Variants in DLG2 observed in about 807,000 individuals in gnomAD.
DLG2 encodes disks large homolog 2.
In DLG2, 45 loss-of-function variants were observed where a neutral mutation model predicts 132.5. The ratio of observed to expected loss-of-function variants is 0.34; its 90% CI spans 0.27 to 0.44. The LOEUF (loss-of-function observed/expected upper bound fraction) is 0.44. Ranked by LOEUF, DLG2 falls within the 20% of genes least tolerant of loss-of-function variation. DLG2 has a pLI of 1.00. For missense variants in DLG2, 1,045 were observed against 1,196.9 expected, an observed-to-expected ratio of 0.87 and a Z score of 1.87; for synonymous variants, 424 against 419.6, an observed-to-expected ratio of 1.01 and a Z score of -0.13.
chr11:85,035,947 T>C (rs1357391513), intron 6 of DLG2, among the ~76,000 whole-genome samples: 2 of 152,232 alleles, frequency 1.3e-5, no homozygotes, highest in Non-Finnish European at 2.9e-5. Flanking sequence ...TCACTCTACT[T>C]CAGCTTTTTC....
At chr11:83,596,356 C>T (rs2057578811) in intron 19 of DLG2, among the ~76,000 whole-genome samples, 1 of 152,204 alleles carries the variant, frequency 6.6e-6, no homozygotes, top group Non-Finnish European at 1.5e-5. Flanking sequence ...ACCTCAGGCT[C>T]ATCATTGACT....
chr11:85,560,514 T>C (rs1394016119), intron 3 of DLG2, among the ~76,000 whole-genome samples: 1 of 151,814 alleles, frequency 6.6e-6, no homozygotes, highest in Admixed American at 6.6e-5. Context: ...TCAACTTATA[T>C]GAAATGTCCA....
At chr11:84,913,121 T>A (rs1024614050) in intron 6 of DLG2, among the ~76,000 whole-genome samples, 24 of 152,190 alleles carry the variant, frequency 1.6e-4, no homozygotes, top group African/African-American at 5.8e-4. Flanking sequence ...CTCTGGAGAG[T>A]AAAAATGATT....
chr11:85,589,269 T>C (rs540124018), intron 3 of DLG2, among the ~76,000 whole-genome samples: 23 of 152,264 alleles, frequency 1.5e-4, no homozygotes, highest in Admixed American at 1.5e-3. Context: ...TATTCTGTCA[T>C]TGAGTTGCTG....
chr11:83,742,308 TATATGAA>T (rs200116043), intron 18 of DLG2, among the ~76,000 whole-genome samples: 2,716 of 152,128 alleles, frequency 0.018, 73 homozygotes, highest in African/African-American at 0.055. Context: ...CATAACTATG[TATATGAA>T]ATATCAAAAC....
chr11:85,291,917 C>A (rs569662444), intron 3 of DLG2, among the ~76,000 whole-genome samples: 13 of 152,100 alleles, frequency 8.5e-5, no homozygotes, highest in African/African-American at 3.1e-4. Flanking sequence ...AACAAAGAGA[C>A]GGTAAGATGT....
chr11:85,491,982 AC>A (rs770473758), intron 3 of DLG2, among the ~76,000 whole-genome samples: 4 of 149,382 alleles, frequency 2.7e-5, no homozygotes, highest in Non-Finnish European at 5.9e-5. Context: ...ACACAACCTG[AC>A]TTTGAAATAT....
intron 7 of DLG2, among the ~76,000 whole-genome samples, chr11:84,518,686 G>T (rs965034668): frequency 1.3e-5 from 2 of 152,078 alleles, no homozygotes; most frequent in African/African-American, 2.4e-5. Flanking sequence ...TTAAATTGCT[G>T]AGATTTTTCC....
In DLG2 at chr11:85,043,337, C is replaced by G. The variant is rs2154150790; in HGVS notation, c.357+68324G>C. 1.3e-5 allele frequency among the ~76,000 whole-genome samples: 2 copies of G among 151,860 alleles called. 1 individual carries two copies. The highest frequency in any genetic ancestry group is 4.1e-4 in the South Asian group (2 of 4,822). ...TTATACTGAGCTTATTTTTATTCTC[C>G]ATAGTACCTAACATAATGCTGCACA... On this transcript the variant is annotated intron_variant, in intron 6 of 27. Transcript: ENST00000376104.
At chr11:83,740,980 C>A (rs570857156) in intron 18 of DLG2, among the ~76,000 whole-genome samples, 1 of 152,024 alleles carries the variant, frequency 6.6e-6, no homozygotes, top group Non-Finnish European at 1.5e-5. Context: ...CATTTTCCTG[C>A]GAGGCAAGTT....
chr11:84,172,612 G>A (rs577587995), intron 8 of DLG2, among the ~76,000 whole-genome samples: 13 of 151,608 alleles, frequency 8.6e-5, no homozygotes, highest in African/African-American at 2.2e-4. Flanking sequence ...GTGCAATCTC[G>A]GCTCACTGCA....
intron 6 of DLG2, among the ~76,000 whole-genome samples, chr11:84,725,830 T>G (rs1370978643): frequency 6.6e-6 from 1 of 152,158 alleles, no homozygotes; most frequent in African/African-American, 2.4e-5. Context: ...AAAGGCTTTG[T>G]GTCACTTGTC....
chr11:85,352,967 A>G (rs955815238), intron 3 of DLG2, among the ~76,000 whole-genome samples: 1 of 152,218 alleles, frequency 6.6e-6, no homozygotes, highest in Non-Finnish European at 1.5e-5. Flanking sequence ...CAATAGCAAC[A>G]AAAGCCAAAA....
chr11:85,425,013 T>C lies in DLG2; in HGVS notation c.41-139648A>G, dbSNP rs557730754. On this transcript the variant is annotated intron_variant, in intron 3 of 27. Coordinates refer to ENST00000376104, the MANE Select transcript of DLG2 (RefSeq NM_001142699.3). The stretch of plus-strand genomic sequence containing the variant: ...CTTAATCCACTGAAGTTAGTACTTC[T>C]AGAGCAAAAAACAAACAAACAAACA... Among the ~76,000 whole-genome samples the C allele has an allele frequency of 2.2e-5, 3 of 137,164 alleles. No individual in the cohort carries two copies. In the South Asian group the frequency reaches 7.2e-4, roughly 33 times the overall value. 90.0% of individuals were successfully genotyped at this position (137,164 alleles called of 152,430 possible).
At chr11:84,500,567 C>T (rs1042860700) in intron 7 of DLG2, among the ~76,000 whole-genome samples, 4 of 152,132 alleles carry the variant, frequency 2.6e-5, no homozygotes, top group Non-Finnish European at 5.9e-5. Context: ...TATAATCTGG[C>T]TAGGAAGTGT....
intron 7 of DLG2, among the ~76,000 whole-genome samples, chr11:84,342,768 G>A (rs986452494): frequency 2.0e-5 from 3 of 152,056 alleles, no homozygotes; most frequent in Non-Finnish European, 4.4e-5. Context: ...AAGAGTTTGG[G>A]AACACCAACA....
intron 8 of DLG2, among the ~76,000 whole-genome samples, chr11:84,195,151 C>T (rs1274324725): frequency 6.6e-6 from 1 of 152,046 alleles, no homozygotes; most frequent in African/African-American, 2.4e-5. Context: ...TTTCCCTCTA[C>T]TCTTCATTTT....
chr11:85,015,413 A>T (rs369188137), intron 6 of DLG2, among the ~76,000 whole-genome samples: 1 of 3,758 alleles, frequency 2.7e-4, no homozygotes, highest in African/African-American at 1.6e-3. Context: ...AGTGTTATTT[A>T]AAAAAAAAAA....
At position 84,924,963 on chromosome 11, in the gene DLG2, T is replaced by C. The variant is rs374664368; in HGVS notation, c.357+186698A>G. ...ATAACACTTTCCCCTCCCAAGGTTATAGCAGGTCACATTTCCTGCAGCTCT... is the reference window on the plus strand; with the variant it reads ...ATAACACTTTCCCCTCCCAAGGTTACAGCAGGTCACATTTCCTGCAGCTCT... On this transcript the variant is annotated intron_variant, in intron 6 of 27. Coordinates refer to ENST00000376104, the MANE Select transcript of DLG2 (RefSeq NM_001142699.3). Among the ~76,000 whole-genome samples, 17 of 152,312 alleles carry C rather than the reference T, an allele frequency of 1.1e-4. No individual in the cohort carries two copies. In the East Asian group the frequency reaches 2.3e-3, roughly 21 times the overall value.
Sources: gnomAD v4.1 joint callset for allele counts (sites outside exome capture counted in the v4.1 genomes callset) on GRCh38, gnomAD v4.1.1 for gene constraint, MANE v1.5 for transcripts, NCBI Gene and HGNC (gene_info 2026-07-23, HGNC 2026-07-21) for gene names.